ANKRD36B: variants seen among roughly 807,000 people sequenced by gnomAD.
ANKRD36B encodes the protein ankyrin repeat domain 36B.
Under a neutral mutation model 135.7 loss-of-function variants are expected in ANKRD36B, and 37 were observed. The observed-to-expected ratio is 0.27, with a 90% confidence interval of 0.21 to 0.36. The LOEUF (loss-of-function observed/expected upper bound fraction) is 0.36, where lower values mean the gene tolerates loss of function less well. ANKRD36B is among the 10% of genes least tolerant of loss of function. ANKRD36B has a pLI of 1.00. For synonymous variants in ANKRD36B, 179 were observed against 348.1 expected (o/e 0.51, Z 5.41); for missense variants, 549 against 1,037.1 (o/e 0.53, Z 6.46).
intron 6 of ANKRD36B, among the ~76,000 whole-genome samples, chr2:97,572,102 T>G (rs2081917530): frequency 6.6e-6 from 1 of 152,050 alleles, no homozygotes; most frequent in Non-Finnish European, 1.5e-5. Flanking sequence ...GAGAGACCTT[T>G]GTCTTTAAAA....
chr2:97,552,395 G>A (rs2104672319), intron 16 of ANKRD36B, among the ~76,000 whole-genome samples: 1 of 151,960 alleles, frequency 6.6e-6, no homozygotes, highest in Middle Eastern at 3.4e-3. Flanking sequence ...TTATCCAAGA[G>A]GTAGCTCCTT....
intron 14 of ANKRD36B, among the ~76,000 whole-genome samples, chr2:97,554,675 G>A (rs75163347): frequency 5.3e-5 from 8 of 151,948 alleles, no homozygotes; most frequent in Non-Finnish European, 1.0e-4. Flanking sequence ...TGGTTATTAC[G>A]ATCAGTTTTC....
chr2:97,564,940 T>G (rs575649001), intron 6 of ANKRD36B, among the ~76,000 whole-genome samples: 1 of 152,162 alleles, frequency 6.6e-6, no homozygotes, highest in South Asian at 2.1e-4. Flanking sequence ...GGGTATAGCA[T>G]TGAACCTACA....
chr2:97,574,359 G>T (rs2082089219), intron 6 of ANKRD36B, among the ~76,000 whole-genome samples: 1 of 152,218 alleles, frequency 6.6e-6, no homozygotes, highest in Non-Finnish European at 1.5e-5. Context: ...ACACCAGTTA[G>T]AATGGCAATC....
chr2:97,565,781 G>A (rs2081378121), intron 6 of ANKRD36B, among the ~76,000 whole-genome samples: 1 of 152,008 alleles, frequency 6.6e-6, no homozygotes, highest in Non-Finnish European at 1.5e-5. Context: ...AACCATTGTG[G>A]AAGACAGTGT....
chr2:97,545,045 C>T (rs1385562262), intron 24 of ANKRD36B, among the ~76,000 whole-genome samples: 1 of 95,670 alleles, frequency 1.0e-5, no homozygotes, highest in Non-Finnish European at 2.8e-5. Flanking sequence ...CCAATTCTAG[C>T]ATAGTTTCCT....
intron 6 of ANKRD36B, among the ~76,000 whole-genome samples, chr2:97,570,979 G>A (rs1255636961): frequency 6.6e-6 from 1 of 152,126 alleles, no homozygotes; most frequent in African/African-American, 2.4e-5. Flanking sequence ...TGAGATTCCT[G>A]TATTTCTGCA....
chr2:97,548,073 A>C (rs964975024), intron 20 of ANKRD36B, among the ~76,000 whole-genome samples: 2 of 151,776 alleles, frequency 1.3e-5, no homozygotes, highest in African/African-American at 4.8e-5. Context: ...AATCAACGTG[A>C]AAGCAGGTGC....
Position 97,555,524 on chromosome 2 carries a change from C to T in ANKRD36B, c.1070-270G>A, listed in dbSNP as rs577670080. On this transcript the variant is annotated intron_variant, in intron 12 of 43. Transcript: ENST00000359901. ...CAGTGTTAGTATCAATGTGAATATG[C>T]CGAATGATGAGGACAAATGTGATCT... 4.6e-5 allele frequency among the ~76,000 whole-genome samples: 7 copies of T among 151,934 alleles called. No individual in the cohort carries two copies. The East Asian group carries it at 1.2e-3, about 25-fold the overall frequency.
At position 97,579,646 on chromosome 2, in the gene ANKRD36B, AG is replaced by A. The variant is rs1559239204; in HGVS notation, c.558-604del. Among the ~76,000 whole-genome samples the A allele has an allele frequency of 5.4e-5, 2 of 37,326 alleles. 1 individual carries two copies. Among genetic ancestry groups the A allele is most frequent in the Admixed American group, 4.4e-4 (2 of 4,548 alleles). The allele number at this position is 37,326 out of a possible 152,430, so 24.5% of individuals were successfully genotyped here. ...ATAATCTATAAAATATATAATATATAGTATATTATATATTATCTATAAATAT... is the reference window on the plus strand; with the variant it reads ...ATAATCTATAAAATATATAATATATATATATTATATATTATCTATAAATAT... On this transcript the variant is annotated intron_variant, in intron 4 of 43. Transcript: ENST00000359901.
intron 6 of ANKRD36B, among the ~76,000 whole-genome samples, chr2:97,564,995 C>T (rs2081326114): frequency 6.6e-6 from 1 of 151,112 alleles, no homozygotes; most frequent in Non-Finnish European, 1.5e-5. Flanking sequence ...TTGATTCTTC[C>T]TAACCATGAG....
intron 22 of ANKRD36B, 51 bp downstream of exon 22, chr2:97,547,485 T>A (rs1433816879): frequency 1.3e-6 from 2 of 1,505,314 alleles, no homozygotes; most frequent in African/African-American, 2.8e-5. Context: ...GGGAAGAGAA[T>A]TTCTTATCTA....
At chr2:97,567,225 T>G (rs1051332770) in intron 6 of ANKRD36B, among the ~76,000 whole-genome samples, 1 of 150,788 alleles carries the variant, frequency 6.6e-6, no homozygotes, top group Non-Finnish European at 1.5e-5. Context: ...GGAACATCCA[T>G]GTATTCTCCA....
At chr2:97,548,070 G>T (rs73959746) in intron 20 of ANKRD36B, among the ~76,000 whole-genome samples, 3 of 151,634 alleles carry the variant, frequency 2.0e-5, no homozygotes, top group African/African-American at 7.3e-5. Flanking sequence ...GAGAATCAAC[G>T]TGAAAGCAGG....
At chr2:97,586,906 G>A (rs2083040611) in intron 1 of ANKRD36B, among the ~76,000 whole-genome samples, 1 of 152,210 alleles carries the variant, frequency 6.6e-6, no homozygotes, top group African/African-American at 2.4e-5. Flanking sequence ...AGGCACAGTG[G>A]CTCACACCTG....
chr2:97,578,951 T>C lies in ANKRD36B; in HGVS notation c.650A>G (p.Tyr217Cys), dbSNP rs751062747. 10 of 1,613,054 alleles carry C rather than the reference T, an allele frequency of 6.2e-6. No individual in the cohort carries two copies. The highest frequency in any genetic ancestry group is 8.5e-6 in the Non-Finnish European group (10 of 1,179,226). The change falls in exon 5 of 44, where the codon TAT (tyrosine) becomes TGT (cysteine). Residue 217 changes from tyrosine to cysteine, a missense_variant. Coordinates refer to ENST00000359901, the MANE Select transcript of ANKRD36B (RefSeq NM_001393939.1). ...HNIDVFSRDV[Y>C]GKLAEDYASE... The stretch of plus-strand genomic sequence containing the variant: ...GGCATAATCTTCTGCAAGCTTTCCA[T>C]ACACATCTCGAGAAAACACATCAAT...
intron 38 of ANKRD36B, 115 bp downstream of exon 38, chr2:97,513,065 A>G (rs1417421729): frequency 2.5e-6 from 3 of 1,191,066 alleles, no homozygotes; most frequent in African/African-American, 2.6e-5. Flanking sequence ...CATTTTTAAG[A>G]TGAAATAAAA....
chr2:97,575,728 G>T (rs1459209555), intron 6 of ANKRD36B, among the ~76,000 whole-genome samples: 1 of 151,540 alleles, frequency 6.6e-6, no homozygotes, highest in Non-Finnish European at 1.5e-5. Flanking sequence ...GCAAGAAAAA[G>T]ACCAACATTT....
At chr2:97,528,876 G>C (rs2078389610) in intron 35 of ANKRD36B, among the ~76,000 whole-genome samples, 2 of 95,654 alleles carry the variant, frequency 2.1e-5, no homozygotes, top group South Asian at 4.7e-4. Flanking sequence ...TCTCTGAATA[G>C]ACCAATAACA....
Sources: allele counts gnomAD v4.1 joint callset (sites outside exome capture counted in the v4.1 genomes callset), GRCh38; gene constraint gnomAD v4.1.1; transcripts MANE v1.5; gene names NCBI Gene and HGNC (gene_info 2026-07-23, HGNC 2026-07-21).